TEX13C: variants seen among roughly 807,000 people sequenced by gnomAD.
The protein encoded by TEX13C is TEX13 family member C.
For missense variants in TEX13C, 480 were observed against 298.7 expected, an observed-to-expected ratio of 1.61 and a Z score of -4.47; for synonymous variants, 219 against 116.6, an observed-to-expected ratio of 1.88 and a Z score of -5.65.
At chrX:125,323,155 A>G in exon 1 of TEX13C, 1 of 441,459 alleles carries the variant, frequency 2.3e-6, no homozygotes, top group South Asian at 3.5e-5. Context: ...AGAGAAACCA[A>G]TTTCCCAGGA....
rs1399406159 is a variant in TEX13C, at chrX:125,322,406, A to G, written c.2287A>G (p.Met763Val). 6.1e-6 allele frequency: 3 copies of G among 494,851 alleles called. No individual in the cohort carries two copies. In the South Asian group the frequency reaches 7.6e-5, roughly 12 times the overall value. The allele number at this position is 494,851 out of a possible 1,213,427, so 40.8% of individuals were successfully genotyped here. A position where few individuals can be genotyped will look rare whatever the true frequency, so the allele number is the denominator to read the frequency against. ...GAAAGATCCAGTGATGCCCCAGAACATGGTCCCCCTGGAGGACAGCAACAG... is the reference window on the plus strand; with the variant it reads ...GAAAGATCCAGTGATGCCCCAGAACGTGGTCCCCCTGGAGGACAGCAACAG... The change falls in exon 1 of 1, where the codon ATG (methionine) becomes GTG (valine). Residue 763 changes from methionine (M) to valine (V), a missense_variant. Transcript: ENST00000632600.
chrX:125,320,609 C>T (rs1462655736), exon 1 of TEX13C: 2 of 515,694 alleles, frequency 3.9e-6, no homozygotes, highest in South Asian at 4.9e-5. Flanking sequence ...GGATTTTGTA[C>T]CCGGTCCAGA....
chrX:125,321,673 G>C, exon 1 of TEX13C: 1 of 499,714 alleles, frequency 2.0e-6, no homozygotes, highest in Non-Finnish European at 3.5e-6. Flanking sequence ...TGGTCCCCCT[G>C]GGGGACAGCA....
At chrX:125,324,826 C>T (rs1317128050) in exon 1 of TEX13C, 1 of 112,405 alleles carries the variant, frequency 8.9e-6, no homozygotes, top group East Asian at 2.8e-4. Flanking sequence ...TCAGGCTGCC[C>T]CCATCCCAAG....
chrX:125,324,605 T>A (rs1043836671), exon 1 of TEX13C: 2 of 111,464 alleles, frequency 1.8e-5, no homozygotes, highest in Non-Finnish European at 3.8e-5. Context: ...GTCTCATTGG[T>A]CTCAGGTGAG....
chrX:125,324,208 A>G (rs749641147), exon 1 of TEX13C: 1 of 111,506 alleles, frequency 9.0e-6, no homozygotes, highest in Admixed American at 9.5e-5. Flanking sequence ...TACACACAGC[A>G]TAATCTTTTA....
At chrX:125,321,487 G>A in exon 1 of TEX13C, 1 of 513,188 alleles carries the variant, frequency 1.9e-6, no homozygotes, top group Non-Finnish European at 3.5e-6. Context: ...TCCCCCTGGG[G>A]GACAGCAACA....
exon 1 of TEX13C, chrX:125,325,149 C>T (rs961257807): frequency 3.6e-5 from 4 of 111,485 alleles, no homozygotes; most frequent in African/African-American, 1.3e-4. Flanking sequence ...TCCCACCCAG[C>T]TCACCAAAAT....
exon 1 of TEX13C, chrX:125,323,202 A>G (rs888461377): frequency 2.4e-6 from 1 of 423,825 alleles, no homozygotes; most frequent in African/African-American, 2.5e-5. Flanking sequence ...TTTACTTAAC[A>G]GAAAATTTGA....
At chrX:125,321,278 A>G (rs1381086728) in exon 1 of TEX13C, 1 of 504,652 alleles carries the variant, frequency 2.0e-6, no homozygotes, top group African/African-American at 2.5e-5. Context: ...AGTTGTGCCC[A>G]AGGAGATTGT....
rs924447213 is a variant in TEX13C at position 125,322,870 on chromosome X, C to T, written c.2751C>T (p.Ser917=). ...TAACCCCTCTGGAGGATAGCAAGAG[C>T]CATGGTGTGAAAAATAGCCCATGGA... is the stretch of plus-strand genomic sequence containing the variant. The change falls in exon 1 of 1, where the codon AGC becomes AGT. Residue 917 remains serine, a synonymous_variant. Coordinates refer to ENST00000632600, the Ensembl canonical transcript of TEX13C. The T allele has an allele frequency of 9.0e-5, 46 of 513,414 alleles. No individual in the cohort carries two copies. In the African/African-American group the frequency reaches 9.9e-4, roughly 11 times the overall value. The allele number at this position is 513,414 out of a possible 1,213,427, so 42.3% of individuals were successfully genotyped here. A position where few individuals can be genotyped will look rare whatever the true frequency, so the allele number is the denominator to read the frequency against.
At chrX:125,323,271 G>A (rs1302245602) in exon 1 of TEX13C, 2 of 396,210 alleles carry the variant, frequency 5.0e-6, no homozygotes, top group East Asian at 4.0e-5. Flanking sequence ...CCCAAATTAA[G>A]TACTTTTTAT....
At chrX:125,324,647 G>A (rs973019429) in exon 1 of TEX13C, 2 of 112,263 alleles carry the variant, frequency 1.8e-5, no homozygotes, top group African/African-American at 6.5e-5. Flanking sequence ...TTGGGAAAGT[G>A]TCCTCACAAA....
chrX:125,320,777 A>T (rs1315289333), exon 1 of TEX13C: 2 of 513,667 alleles, frequency 3.9e-6, no homozygotes, highest in Non-Finnish European at 7.0e-6. Context: ...GGTCCAGGGC[A>T]TGCAACCTCT....
Position 125,322,683 on chromosome X carries a change from G to A in TEX13C, c.2564G>A (p.Ser855Asn), listed in dbSNP as rs746550512. 250 of 512,527 alleles carry A rather than the reference G, an allele frequency of 4.9e-4. No individual in the cohort carries two copies. The highest frequency in any genetic ancestry group is 8.4e-4 in the Non-Finnish European group (240 of 286,451). 42.2% of individuals were successfully genotyped at this position (512,527 alleles called of 1,213,427 possible). A position where few individuals can be genotyped will look rare whatever the true frequency, so the allele number is the denominator to read the frequency against. The change falls in exon 1 of 1, where the codon AGT becomes AAT. Residue 855 changes from serine (S) to asparagine (N), a missense_variant. Ser to Asn is a conservative substitution (Grantham distance 46). Transcript: ENST00000632600. Reference sequence around the variant, plus strand: ...ATGGTCCCCCTAGGGGACAGCAACAGTCACAGCCTGAAGAAAGATCCAGTG... The same window carrying A: ...ATGGTCCCCCTAGGGGACAGCAACAATCACAGCCTGAAGAAAGATCCAGTG...
At chrX:125,320,300 C>T (rs927257723) in exon 1 of TEX13C, 2 of 515,897 alleles carry the variant, frequency 3.9e-6, no homozygotes, top group East Asian at 3.6e-5. Flanking sequence ...GCGGGTGCCC[C>T]GTGCCATTAA....
upstream of TEX13C, among the ~76,000 whole-genome samples, chrX:125,319,904 C>T (rs1211078094): frequency 8.9e-6 from 1 of 111,937 alleles, no homozygotes; most frequent in Non-Finnish European, 1.9e-5. Flanking sequence ...CGATAGGGTT[C>T]GGTGTGGCGA....
upstream of TEX13C, among the ~76,000 whole-genome samples, chrX:125,319,918 G>A (rs994500572): frequency 1.8e-5 from 2 of 112,243 alleles, no homozygotes; most frequent in Admixed American, 1.9e-4. Flanking sequence ...GTGGCGAGGA[G>A]GACCTGCTTC....
exon 1 of TEX13C, chrX:125,324,103 G>A (rs999736118): frequency 1.2e-4 from 13 of 111,705 alleles, no homozygotes; most frequent in African/African-American, 3.9e-4. Flanking sequence ...AAATTCTATA[G>A]CTGATAGCAA....
Sources: gnomAD v4.1 joint callset for allele counts (sites outside exome capture counted in the v4.1 genomes callset) on GRCh38, gnomAD v4.1.1 for gene constraint, MANE v1.5 for transcripts, NCBI Gene and HGNC (gene_info 2026-07-23, HGNC 2026-07-21) for gene names.